The following ADGRL2 variants were observed in gnomAD, a reference collection of about 807,000 sequenced individuals.
ADGRL2 encodes the protein adhesion G protein-coupled receptor L2, also known as calcium-independent alpha-latrotoxin receptor 2.
ADGRL2 carries 44 observed loss-of-function variants against 157.4 expected under a neutral mutation model. That is an observed-to-expected ratio of 0.28 (90% CI 0.22 to 0.36). The LOEUF is 0.36. Ranked by LOEUF, ADGRL2 falls within the 10% of genes least tolerant of loss-of-function variation. The probability of loss-of-function intolerance (pLI) is 1.00; values close to 1 mark genes in which losing one functional copy is unlikely to be tolerated. For missense variants in ADGRL2, 1,510 were observed against 1,768.9 expected (o/e 0.85, Z 2.63); for synonymous variants, 585 against 624.7 (o/e 0.94, Z 0.95).
chr1:81,656,735 C>T (rs1467748463), intron 3 of ADGRL2, among the ~76,000 whole-genome samples: 1 of 152,066 alleles, frequency 6.6e-6, no homozygotes, highest in Admixed American at 6.5e-5. Flanking sequence ...CAGGGCCAGG[C>T]ATGGTGGCTT....
intron 1 of ADGRL2, among the ~76,000 whole-genome samples, chr1:81,438,795 T>C (rs2077455019): frequency 6.6e-6 from 1 of 152,198 alleles, no homozygotes. Flanking sequence ...TCCTGCTTAA[T>C]ACACTTCAAT....
intron 2 of ADGRL2, among the ~76,000 whole-genome samples, chr1:81,785,166 T>C (rs2086984805): frequency 6.6e-6 from 1 of 152,192 alleles, no homozygotes; most frequent in South Asian, 2.1e-4. Context: ...TTGACAGATA[T>C]TTGTTTTACT....
chr1:81,801,445 C>G (rs1426756504), intron 1 of ADGRL2, among the ~76,000 whole-genome samples: 1 of 152,216 alleles, frequency 6.6e-6, no homozygotes, highest in South Asian at 2.1e-4. Context: ...CCCTCTCACT[C>G]TCTCTCCGCT....
At chr1:81,769,751 A>G (rs916315537) in intron 2 of ADGRL2, among the ~76,000 whole-genome samples, 1 of 152,150 alleles carries the variant, frequency 6.6e-6, no homozygotes, top group African/African-American at 2.4e-5. Context: ...GTATGTACAG[A>G]TCAATCTGAA....
chr1:81,427,159 C>T (rs1470180440), intron 1 of ADGRL2: 30 of 1,098,998 alleles, frequency 2.7e-5, no homozygotes, highest in Middle Eastern at 2.0e-4. Flanking sequence ...TTATGGGTTG[C>T]GGAGGAAACT....
chr1:81,926,483 A>G (rs2095109770), intron 3 of ADGRL2, among the ~76,000 whole-genome samples: 1 of 152,022 alleles, frequency 6.6e-6, no homozygotes, highest in South Asian at 2.1e-4. Context: ...TAACTAGGGC[A>G]TCCCATAGCG....
intron 2 of ADGRL2, among the ~76,000 whole-genome samples, chr1:81,479,121 G>T (rs1318829846): frequency 1.3e-5 from 2 of 151,886 alleles, no homozygotes; most frequent in Middle Eastern, 3.4e-3. Flanking sequence ...TATATCTCTT[G>T]GTTTTTGTCC....
At chr1:81,925,978 A>G (rs1013406447) in intron 3 of ADGRL2, among the ~76,000 whole-genome samples, 1 of 152,014 alleles carries the variant, frequency 6.6e-6, no homozygotes, top group African/African-American at 2.4e-5. Context: ...CGCAACACAA[A>G]TCTAGTTTAC....
intron 1 of ADGRL2, among the ~76,000 whole-genome samples, chr1:81,819,937 C>A (rs1335989603): frequency 6.6e-6 from 1 of 152,088 alleles, no homozygotes. Flanking sequence ...ATCTTCACTG[C>A]AGCTTTCTCT....
At chr1:81,394,683 G>A (rs2076623195) in intron 1 of ADGRL2, among the ~76,000 whole-genome samples, 1 of 152,074 alleles carries the variant, frequency 6.6e-6, no homozygotes, top group South Asian at 2.1e-4. Flanking sequence ...GGGAGTGCAG[G>A]TAACTCACCA....
At chr1:81,922,655 A>G (rs1326736544) in intron 3 of ADGRL2, among the ~76,000 whole-genome samples, 2 of 152,132 alleles carry the variant, frequency 1.3e-5, no homozygotes, top group African/African-American at 4.8e-5. Context: ...GTATTTCTAC[A>G]CTTTAGGATA....
intron 2 of ADGRL2, among the ~76,000 whole-genome samples, chr1:81,536,514 G>C (rs1325388935): frequency 6.6e-6 from 1 of 152,114 alleles, no homozygotes; most frequent in Admixed American, 6.6e-5. Context: ...CACTGAAATG[G>C]GGAATCAGCT....
chr1:81,488,696 G>T (rs1018862047), intron 2 of ADGRL2, among the ~76,000 whole-genome samples: 1 of 151,884 alleles, frequency 6.6e-6, no homozygotes, highest in Non-Finnish European at 1.5e-5. Context: ...GACAGAATGA[G>T]ACCCTGTCTC....
intron 3 of ADGRL2, among the ~76,000 whole-genome samples, chr1:81,666,068 C>A (rs1018135821): frequency 6.6e-6 from 1 of 152,122 alleles, no homozygotes; most frequent in African/African-American, 2.4e-5. Flanking sequence ...AAGCACAATC[C>A]AGTAAAGCTC....
At chr1:81,919,140 A>T (rs2094923939) in intron 3 of ADGRL2, among the ~76,000 whole-genome samples, 1 of 152,100 alleles carries the variant, frequency 6.6e-6, no homozygotes, top group Admixed American at 6.6e-5. Context: ...TGTATTTCAG[A>T]GATTTAGGAT....
chr1:81,780,441 T>C (rs1446644500), intron 2 of ADGRL2, among the ~76,000 whole-genome samples: 1 of 152,078 alleles, frequency 6.6e-6, no homozygotes, highest in East Asian at 1.9e-4. Flanking sequence ...CCCTTAATGG[T>C]GAAAAATCTG....
At chr1:81,512,804 A>G (rs2079103536) in intron 2 of ADGRL2, among the ~76,000 whole-genome samples, 1 of 152,152 alleles carries the variant, frequency 6.6e-6, no homozygotes, top group Admixed American at 6.5e-5. Flanking sequence ...TTTTCTGGGT[A>G]ATTACCCACA....
At chr1:81,619,731 ATGTGTGTGTGTGTGTG>A (rs34153343) in intron 3 of ADGRL2, among the ~76,000 whole-genome samples, 2 of 149,446 alleles carry the variant, frequency 1.3e-5, no homozygotes, top group East Asian at 2.0e-4. Flanking sequence ...GGGTGTGTGT[ATGTGTGTGTGTGTGTG>A]TGTGTGTGTG....
chr1:81,481,535 G>A (rs1474513690), intron 2 of ADGRL2, among the ~76,000 whole-genome samples: 1 of 152,182 alleles, frequency 6.6e-6, no homozygotes, highest in East Asian at 1.9e-4. Context: ...TCAGCTGTGA[G>A]CCTTGCTCTC....
Sources: allele counts gnomAD v4.1 joint callset (sites outside exome capture counted in the v4.1 genomes callset), GRCh38; gene constraint gnomAD v4.1.1; transcripts MANE v1.5; gene names NCBI Gene and HGNC (gene_info 2026-07-23, HGNC 2026-07-21).